CDH12: variants seen among roughly 807,000 people sequenced by gnomAD.
CDH12 encodes cadherin 12, also known as cadherin-12.
A neutral mutation model predicts 74.1 loss-of-function variants in CDH12; 41 were observed. The observed-to-expected ratio is 0.55, with a 90% CI of 0.43 to 0.72. CDH12 has a LOEUF of 0.72. CDH12 is among the 30% of genes least tolerant of loss of function. CDH12 has a pLI of 0.00. For synonymous variants in CDH12, 399 were observed against 355.0 expected (o/e 1.12, Z -1.39); for missense variants, 945 against 977.2 (o/e 0.97, Z 0.44).
At chr5:22,506,335 G>C (rs1481526312) in intron 1 of CDH12, among the ~76,000 whole-genome samples, 1 of 152,070 alleles carries the variant, frequency 6.6e-6, no homozygotes, top group African/African-American at 2.4e-5. Flanking sequence ...TATTCATTCA[G>C]TAATTTATAT....
At chr5:22,007,190 C>T (rs1444195770) in intron 5 of CDH12, among the ~76,000 whole-genome samples, 2 of 152,136 alleles carry the variant, frequency 1.3e-5, no homozygotes, top group East Asian at 3.9e-4. Flanking sequence ...AAAGACAGAT[C>T]CTGGACTTAT....
intron 5 of CDH12, among the ~76,000 whole-genome samples, chr5:22,042,401 T>A (rs943623026): frequency 6.6e-6 from 1 of 151,826 alleles, no homozygotes; most frequent in Non-Finnish European, 1.5e-5. Flanking sequence ...TTTAGCCAGA[T>A]AAACTAAGAA....
intron 6 of CDH12, among the ~76,000 whole-genome samples, chr5:21,865,321 A>G (rs1354378343): frequency 6.6e-6 from 1 of 152,170 alleles, no homozygotes; most frequent in Non-Finnish European, 1.5e-5. Context: ...ATAAATGAAA[A>G]GTGTGTTTAT....
intron 3 of CDH12, among the ~76,000 whole-genome samples, chr5:22,242,971 T>G (rs1752803834): frequency 6.6e-6 from 1 of 152,174 alleles, no homozygotes; most frequent in African/African-American, 2.4e-5. Flanking sequence ...TTTTTTTTAA[T>G]GTTTAGTACT....
At chr5:21,808,695 C>T (rs543438000) in intron 9 of CDH12, among the ~76,000 whole-genome samples, 1 of 152,104 alleles carries the variant, frequency 6.6e-6, no homozygotes, top group African/African-American at 2.4e-5. Flanking sequence ...AATGAAAAAG[C>T]AGGTTTCCTA....
chr5:22,306,628 C>G (rs1489199506), intron 3 of CDH12, among the ~76,000 whole-genome samples: 1 of 152,136 alleles, frequency 6.6e-6, no homozygotes, highest in Non-Finnish European at 1.5e-5. Context: ...TTCTAGCACA[C>G]ACTTTGTGCT....
At chr5:22,288,369 T>A (rs1329183356) in intron 3 of CDH12, among the ~76,000 whole-genome samples, 1 of 152,200 alleles carries the variant, frequency 6.6e-6, no homozygotes, top group Non-Finnish European at 1.5e-5. Flanking sequence ...GCATTACATA[T>A]CTATATACAT....
chr5:22,779,597 G>A (rs1747282911), intron 1 of CDH12, among the ~76,000 whole-genome samples: 1 of 152,146 alleles, frequency 6.6e-6, no homozygotes, highest in South Asian at 2.1e-4. Flanking sequence ...ACCTAGTAGA[G>A]GTGATTGGAT....
intron 4 of CDH12, among the ~76,000 whole-genome samples, chr5:22,211,861 T>C (rs1751565323): frequency 6.6e-6 from 1 of 151,844 alleles, no homozygotes; most frequent in Non-Finnish European, 1.5e-5. Flanking sequence ...TTGCTTTCTT[T>C]TTTTATTCAT....
At chr5:21,935,769 A>G (rs1162971334) in intron 6 of CDH12, among the ~76,000 whole-genome samples, 1 of 152,084 alleles carries the variant, frequency 6.6e-6, no homozygotes, top group African/African-American at 2.4e-5. Flanking sequence ...TCAGCCTGTT[A>G]ACCTTTATAC....
At chr5:22,102,688 AT>A (rs1226868819) in intron 4 of CDH12, among the ~76,000 whole-genome samples, 1 of 151,800 alleles carries the variant, frequency 6.6e-6, no homozygotes, top group African/African-American at 2.4e-5. Flanking sequence ...AAATAAATAA[AT>A]AAATACATAA....
chr5:22,162,155 G>C (rs71578761), intron 4 of CDH12, among the ~76,000 whole-genome samples: 54,774 of 147,506 alleles, frequency 0.37, 11,105 homozygotes, highest in Admixed American at 0.48. Flanking sequence ...TTAGAGGCAT[G>C]TCTTCTGCCT....
At position 22,057,880 on chromosome 5, in the gene CDH12, G is replaced by A. The variant is rs924479035; in HGVS notation, c.231+20566C>T. Among the ~76,000 whole-genome samples, 4 of 152,140 alleles carry A rather than the reference G, an allele frequency of 2.6e-5. No homozygotes were observed. In the South Asian group the frequency reaches 8.3e-4, roughly 32 times the overall value. On this transcript the variant is annotated intron_variant, in intron 5 of 14. Transcript: ENST00000382254. The stretch of plus-strand genomic sequence containing the variant: ...TGTTCTCCAGAGAACCAAAGGGTAC[G>A]TGAGGATTCACAATGAAAGTCGCTC...
intron 6 of CDH12, among the ~76,000 whole-genome samples, chr5:21,859,846 C>T (rs909227124): frequency 4.6e-5 from 7 of 151,886 alleles, no homozygotes; most frequent in Admixed American, 1.3e-4. Context: ...TACTACTTCA[C>T]GATGGAGGTA....
intron 3 of CDH12, among the ~76,000 whole-genome samples, chr5:22,252,389 A>G (rs897167346): frequency 1.7e-5 from 2 of 114,440 alleles, no homozygotes; most frequent in Admixed American, 1.6e-4. Flanking sequence ...TTCCAAACTT[A>G]AAAAAAAAAC....
At chr5:22,284,395 T>G (rs1409450772) in intron 3 of CDH12, among the ~76,000 whole-genome samples, 1 of 152,140 alleles carries the variant, frequency 6.6e-6, no homozygotes, top group Non-Finnish European at 1.5e-5. Flanking sequence ...TCCAGGTCTG[T>G]GGTCTCATCT....
chr5:22,843,613 G>GGTGTGTGTGTGT lies in CDH12; in HGVS notation c.-523+9433_-523+9444dup, dbSNP rs3050972. On this transcript the variant is annotated intron_variant, in intron 1 of 14. Coordinates refer to ENST00000382254, the MANE Select transcript of CDH12 (RefSeq NM_004061.5). ...TGAAGAAGTTGTTCTTAACATTTGT[G>GGTGTGTGTGTGT]GTGTGTGTGTGTGTGTGTGTGTGTG... 1.4e-3 allele frequency among the ~76,000 whole-genome samples: 207 copies of GGTGTGTGTGTGT among 147,888 alleles called. 2 individuals are homozygous for GGTGTGTGTGTGT. Among genetic ancestry groups the GGTGTGTGTGTGT allele is most frequent in the African/African-American group, 4.9e-3 (197 of 40,426 alleles).
intron 5 of CDH12, among the ~76,000 whole-genome samples, chr5:22,067,176 A>G (rs1210479517): frequency 2.0e-5 from 3 of 152,184 alleles, no homozygotes; most frequent in African/African-American, 7.2e-5. Context: ...ACATGGAAAC[A>G]TGCTGCTTGG....
At chr5:22,706,933 A>C (rs1455093589) in intron 1 of CDH12, among the ~76,000 whole-genome samples, 1 of 152,160 alleles carries the variant, frequency 6.6e-6, no homozygotes, top group South Asian at 2.1e-4. Flanking sequence ...TAAGAAAATA[A>C]ATTTACACCC....
Sources: gnomAD v4.1 joint callset for allele counts (sites outside exome capture counted in the v4.1 genomes callset) on GRCh38, gnomAD v4.1.1 for gene constraint, MANE v1.5 for transcripts, NCBI Gene and HGNC (gene_info 2026-07-23, HGNC 2026-07-21) for gene names.